ZNF536: variants seen among roughly 807,000 people sequenced by gnomAD.
ZNF536 encodes zinc finger protein 536.
Under a neutral mutation model 84.5 loss-of-function variants are expected in ZNF536, and 13 were observed. The ratio of observed to expected loss-of-function variants is 0.15; its 90% CI spans 0.10 to 0.24. ZNF536 has a LOEUF of 0.24. Ranked by LOEUF, ZNF536 falls within the 10% of genes least tolerant of loss-of-function variation. The pLI is 1.00. For synonymous variants in ZNF536, 811 were observed against 742.5 expected, an observed-to-expected ratio of 1.09 and a Z score of -1.50; for missense variants, 1,536 against 1,747.5, an observed-to-expected ratio of 0.88 and a Z score of 2.16.
chr19:30,551,476 C>T (rs184786403), intron 4 of ZNF536, among the ~76,000 whole-genome samples: 66 of 152,296 alleles, frequency 4.3e-4, no homozygotes, highest in African/African-American at 1.5e-3. Flanking sequence ...GCACACGACA[C>T]GTCCCTGACA....
chr19:30,246,432 C>G (rs1461285430), intron 1 of ZNF536, among the ~76,000 whole-genome samples: 2 of 152,198 alleles, frequency 1.3e-5, no homozygotes, highest in Non-Finnish European at 2.9e-5. Context: ...TTCCTTTTAT[C>G]CATATTATTT....
intron 2 of ZNF536, among the ~76,000 whole-genome samples, chr19:30,524,627 A>T (rs1322147026): frequency 6.6e-6 from 1 of 152,222 alleles, no homozygotes; most frequent in African/African-American, 2.4e-5. Flanking sequence ...TACATTTTAA[A>T]AAAGATTGGT....
chr19:30,398,291 CT>C (rs2049903373), intron 1 of ZNF536, among the ~76,000 whole-genome samples: 1 of 152,144 alleles, frequency 6.6e-6, no homozygotes, highest in Admixed American at 6.5e-5. Flanking sequence ...ATCCCTAGCC[CT>C]TGGTGCCTAC....
chr19:30,653,071 C>G (rs890998755), intron 1 of ZNF536, among the ~76,000 whole-genome samples: 1 of 152,160 alleles, frequency 6.6e-6, no homozygotes, highest in Non-Finnish European at 1.5e-5. Context: ...GGGAAGGTGC[C>G]GTTATCTGGG....
chr19:30,700,759 T>C (rs1425416089), intron 1 of ZNF536, among the ~76,000 whole-genome samples: 2 of 152,204 alleles, frequency 1.3e-5, no homozygotes, highest in Admixed American at 6.5e-5. Context: ...ATGTATCCAA[T>C]TGACCTATAG....
intron 2 of ZNF536, among the ~76,000 whole-genome samples, chr19:30,292,090 C>T (rs1343161233): frequency 6.6e-6 from 1 of 152,180 alleles, no homozygotes; most frequent in Non-Finnish European, 1.5e-5. Flanking sequence ...ATGGGAAACC[C>T]TTGCCAATCC....
intron 2 of ZNF536, among the ~76,000 whole-genome samples, chr19:30,496,019 G>A (rs1271109155): frequency 6.6e-6 from 1 of 152,186 alleles, no homozygotes; most frequent in African/African-American, 2.4e-5. Flanking sequence ...GGTGTATTCA[G>A]TGCCTGGCAC....
intron 1 of ZNF536, among the ~76,000 whole-genome samples, chr19:30,419,685 G>A (rs939732775): frequency 1.4e-4 from 22 of 152,188 alleles, no homozygotes; most frequent in African/African-American, 5.3e-4. Context: ...GTGCAAATGG[G>A]CCAGCAGTGT....
chr19:30,477,538 G>T (rs1417950977), intron 2 of ZNF536, among the ~76,000 whole-genome samples: 1 of 152,206 alleles, frequency 6.6e-6, no homozygotes, highest in Non-Finnish European at 1.5e-5. Context: ...AGAAATTTCT[G>T]CTTTGTGGCG....
At chr19:30,531,693 C>T (rs147830079) in intron 2 of ZNF536, among the ~76,000 whole-genome samples, 61 of 152,176 alleles carry the variant, frequency 4.0e-4, no homozygotes, top group Non-Finnish European at 6.8e-4. Flanking sequence ...GGCGTGATCC[C>T]GGCTCATTGC....
At chr19:30,407,507 C>T (rs987612868) in intron 1 of ZNF536, among the ~76,000 whole-genome samples, 1 of 152,136 alleles carries the variant, frequency 6.6e-6, no homozygotes, top group African/African-American at 2.4e-5. Context: ...GAGCTCAGTC[C>T]CCAAGATGGT....
intron 2 of ZNF536, among the ~76,000 whole-genome samples, chr19:30,519,004 G>A (rs1365786777): frequency 6.6e-6 from 1 of 152,186 alleles, no homozygotes; most frequent in Admixed American, 6.5e-5. Flanking sequence ...TCCGTGTGGC[G>A]GGATGCCCCC....
At chr19:30,347,115 T>TG (rs1568348500) in intron 2 of ZNF536, among the ~76,000 whole-genome samples, 1 of 89,520 alleles carries the variant, frequency 1.1e-5, no homozygotes, top group Non-Finnish European at 2.0e-5. Flanking sequence ...GGCTTTTTTT[T>TG]TTTTTATATG....
intron 2 of ZNF536, among the ~76,000 whole-genome samples, chr19:30,491,544 C>G (rs770572652): frequency 1.3e-5 from 2 of 152,234 alleles, no homozygotes; most frequent in Non-Finnish European, 2.9e-5. Context: ...CCCACTTCAT[C>G]TGTGTCCCCT....
intron 1 of ZNF536, among the ~76,000 whole-genome samples, chr19:30,698,055 G>A (rs1421150397): frequency 6.6e-6 from 1 of 152,240 alleles, no homozygotes; most frequent in African/African-American, 2.4e-5. Context: ...ACTGTGGGAG[G>A]CCATGGCAGG....
intron 2 of ZNF536, among the ~76,000 whole-genome samples, chr19:30,299,652 C>A (rs2046115484): frequency 6.6e-6 from 1 of 152,040 alleles, no homozygotes; most frequent in South Asian, 2.1e-4. Flanking sequence ...TCAGAATAAT[C>A]CAATTTAGAA....
intron 1 of ZNF536, among the ~76,000 whole-genome samples, chr19:30,382,598 G>A (rs991741622): frequency 2.0e-5 from 3 of 150,940 alleles, no homozygotes; most frequent in Non-Finnish European, 4.4e-5. Flanking sequence ...AGGAAGTTCT[G>A]TGTGAAAACT....
At chr19:30,510,561 G>T (rs929703598) in intron 2 of ZNF536, among the ~76,000 whole-genome samples, 8 of 152,216 alleles carry the variant, frequency 5.3e-5, no homozygotes, top group African/African-American at 1.4e-4. Context: ...TGAGTTGCCC[G>T]CAGAGGCATT....
At chr19:30,263,281 T>A (rs1178667932) in intron 1 of ZNF536, among the ~76,000 whole-genome samples, 3 of 152,092 alleles carry the variant, frequency 2.0e-5, no homozygotes, top group African/African-American at 7.2e-5. Context: ...GCATAATGAT[T>A]TTGGAAAGCA....
Sources: gnomAD v4.1 joint callset for allele counts (sites outside exome capture counted in the v4.1 genomes callset) on GRCh38, gnomAD v4.1.1 for gene constraint, MANE v1.5 for transcripts, NCBI Gene and HGNC (gene_info 2026-07-23, HGNC 2026-07-21) for gene names.